The following PIGU variants were observed in gnomAD, a reference collection of about 807,000 sequenced individuals.
The protein encoded by PIGU is GPI-anchor transamidase component PIGU.
A neutral mutation model predicts 49.9 loss-of-function variants in PIGU; 24 were observed. The ratio of observed to expected loss-of-function variants is 0.48; its 90% CI spans 0.35 to 0.68. PIGU has a LOEUF of 0.68. PIGU is among the 30% of genes least tolerant of loss of function. The pLI is 0.01. For synonymous variants in PIGU, 220 were observed against 205.7 expected (o/e 1.07, Z -0.59); for missense variants, 490 against 532.6 (o/e 0.92, Z 0.79).
rs144840239 is a variant in PIGU, at chr20:34,596,463, T to A, written c.628-7856A>T. On this transcript the variant is annotated intron_variant, in intron 7 of 11. Transcript: ENST00000217446. Reference sequence around the variant, plus strand: ...TAAATATCAATTTATTTGTTCTTGATAACTGTATATGGTTATATAAAATGT... The same window carrying A: ...TAAATATCAATTTATTTGTTCTTGAAAACTGTATATGGTTATATAAAATGT... Among the ~76,000 whole-genome samples, 449 of 152,352 alleles carry A rather than the reference T, an allele frequency of 2.9e-3. 1 individual carries two copies. Among genetic ancestry groups the A allele is most frequent in the African/African-American group, 0.01 (427 of 41,570 alleles).
intron 1 of PIGU, among the ~76,000 whole-genome samples, chr20:34,662,782 T>A (rs1260155872): frequency 1.3e-5 from 2 of 152,238 alleles, no homozygotes; most frequent in African/African-American, 4.8e-5. Context: ...AAAATAAATA[T>A]TTAAATGTTC....
chr20:34,634,013 G>A lies in PIGU; in HGVS notation c.529+602C>T, dbSNP rs576021648. Among the ~76,000 whole-genome samples, 11 of 152,262 alleles carry A rather than the reference G, an allele frequency of 7.2e-5. No individual in the cohort carries two copies. In the South Asian group the frequency reaches 2.3e-3, roughly 32 times the overall value. On this transcript the variant is annotated intron_variant, in intron 6 of 11. Transcript: ENST00000217446. ...AGAAAGTAGTTGCTTCAAAGAAGTT[G>A]AACTAGGGGTGGGAAGAAAGAGGAA...
chr20:34,651,769 TG>T lies in PIGU; in HGVS notation c.195+5410del, dbSNP rs745776161. On this transcript the variant is annotated intron_variant, in intron 2 of 11. Transcript: ENST00000217446. ...ACTTTTTAGTGAGAACAAGTTAGCA[TG>T]GTAGCAAGAACAAAGACTTTGGAGT... Among the ~76,000 whole-genome samples the T allele has an allele frequency of 1.3e-3, 193 of 152,248 alleles. 1 individual carries two copies. The highest frequency in any genetic ancestry group is 1.5e-4 in the Non-Finnish European group (10 of 68,020).
intron 6 of PIGU, among the ~76,000 whole-genome samples, chr20:34,629,699 C>G (rs1464853301): frequency 6.6e-6 from 1 of 152,120 alleles, no homozygotes; most frequent in African/African-American, 2.4e-5. Flanking sequence ...CTAATTGATA[C>G]AAGATTTAAA....
intron 10 of PIGU, among the ~76,000 whole-genome samples, chr20:34,578,435 C>T (rs116471092): frequency 0.014 from 2,101 of 152,254 alleles, 54 homozygotes; most frequent in African/African-American, 0.048. Context: ...CTTTCTGATC[C>T]CCTGGAAATT....
intron 11 of PIGU, among the ~76,000 whole-genome samples, chr20:34,564,356 TAA>T (rs756691479): frequency 8.5e-5 from 13 of 152,162 alleles, no homozygotes; most frequent in Non-Finnish European, 1.6e-4. Context: ...GATTCTAAAA[TAA>T]AAAGTTTATT....
At chr20:34,655,608 A>G (rs559374316) in intron 2 of PIGU, among the ~76,000 whole-genome samples, 1 of 121,594 alleles carries the variant, frequency 8.2e-6, no homozygotes, top group South Asian at 2.4e-4. Flanking sequence ...CAGGAGGCAG[A>G]GCTTGCAGTG....
At chr20:34,669,484 T>G (rs1987235865) in intron 1 of PIGU, among the ~76,000 whole-genome samples, 1 of 151,966 alleles carries the variant, frequency 6.6e-6, no homozygotes, top group South Asian at 2.1e-4. Flanking sequence ...CTGACCAACA[T>G]GGTGAAACCC....
chr20:34,670,416 A>C (rs1331602750), intron 1 of PIGU, among the ~76,000 whole-genome samples: 1 of 151,978 alleles, frequency 6.6e-6, no homozygotes, highest in Admixed American at 6.6e-5. Flanking sequence ...TCTCGAACTC[A>C]AGCTCAAGCA....
At chr20:34,605,056 C>T (rs957709111) in intron 7 of PIGU, among the ~76,000 whole-genome samples, 1 of 152,172 alleles carries the variant, frequency 6.6e-6, no homozygotes, top group African/African-American at 2.4e-5. Context: ...TTCAGCTTCT[C>T]GGTCCTGTGC....
At chr20:34,654,247 G>C (rs1231840113) in intron 2 of PIGU, among the ~76,000 whole-genome samples, 1 of 108,306 alleles carries the variant, frequency 9.2e-6, no homozygotes, top group African/African-American at 3.4e-5. Flanking sequence ...TGGATCACCT[G>C]AGGTCAGGAG....
chr20:34,669,318 T>C (rs1600675700), intron 1 of PIGU, among the ~76,000 whole-genome samples: 1 of 152,114 alleles, frequency 6.6e-6, no homozygotes. Context: ...GGTATACAGA[T>C]CTCTCTGCAA....
At chr20:34,576,209 TA>T (rs902980666) in intron 10 of PIGU, among the ~76,000 whole-genome samples, 4 of 151,902 alleles carry the variant, frequency 2.6e-5, no homozygotes, top group African/African-American at 9.7e-5. Context: ...AGCCCATCTC[TA>T]AAAAAATTTT....
At position 34,625,878 on chromosome 20, in the gene PIGU, T is replaced by G. The variant is rs1000763821; in HGVS notation, c.529+8737A>C. ...TGAGCTATGACTGTGCCACTGCACTTCAGCCTGAGTGGCCTGGGTGACAGA... is the reference window on the plus strand; with the variant it reads ...TGAGCTATGACTGTGCCACTGCACTGCAGCCTGAGTGGCCTGGGTGACAGA... On this transcript the variant is annotated intron_variant, in intron 6 of 11. Coordinates refer to ENST00000217446, the MANE Select transcript of PIGU (RefSeq NM_080476.5). 2.0e-5 allele frequency among the ~76,000 whole-genome samples: 3 copies of G among 150,762 alleles called. No homozygotes were observed. In the East Asian group the frequency reaches 5.8e-4, roughly 29 times the overall value.
chr20:34,591,713 C>T (rs2146716996), intron 7 of PIGU, among the ~76,000 whole-genome samples: 1 of 152,136 alleles, frequency 6.6e-6, no homozygotes, highest in South Asian at 2.1e-4. Context: ...TTCAAGTATA[C>T]AATATATTAT....
At chr20:34,652,274 G>A (rs899394104) in intron 2 of PIGU, among the ~76,000 whole-genome samples, 7 of 152,124 alleles carry the variant, frequency 4.6e-5, no homozygotes, top group African/African-American at 1.7e-4. Flanking sequence ...CAAAGTGCTA[G>A]GATTACAGAC....
intron 6 of PIGU, 71 bp from the exon 7 acceptor site, chr20:34,616,210 C>T: frequency 6.6e-7 from 1 of 1,519,100 alleles, no homozygotes; most frequent in Non-Finnish European, 8.9e-7. Context: ...AAGTCCCTCT[C>T]AACACAAAAC....
chr20:34,563,625 G>T (rs980286032), intron 11 of PIGU, among the ~76,000 whole-genome samples: 2 of 44,764 alleles, frequency 4.5e-5, no homozygotes, highest in South Asian at 6.2e-4. Flanking sequence ...ATACATCAAT[G>T]GGGGGGGGGA....
intron 1 of PIGU, among the ~76,000 whole-genome samples, chr20:34,659,251 TGG>T (rs1986839537): frequency 1.3e-5 from 1 of 78,464 alleles, no homozygotes; most frequent in Admixed American, 1.3e-4. Context: ...GGGAGGGAGG[TGG>T]GGGGGTCAGC....
Sources: gnomAD v4.1 joint callset for allele counts (sites outside exome capture counted in the v4.1 genomes callset) on GRCh38, gnomAD v4.1.1 for gene constraint, MANE v1.5 for transcripts, NCBI Gene and HGNC (gene_info 2026-07-23, HGNC 2026-07-21) for gene names.